PRMT3: variants seen among roughly 807,000 people sequenced by gnomAD.
PRMT3 encodes the protein protein arginine N-methyltransferase 3.
In PRMT3, 62 loss-of-function variants were observed where a neutral mutation model predicts 71.9. The observed-to-expected ratio is 0.86, with a 90% CI of 0.70 to 1.07. PRMT3 has a LOEUF of 1.07. Ranked by LOEUF, PRMT3 falls within the 50% of genes least tolerant of loss-of-function variation. PRMT3 has a pLI of 0.00. For synonymous variants in PRMT3, 213 were observed against 220.4 expected (o/e 0.97, Z 0.30); for missense variants, 663 against 643.0 (o/e 1.03, Z -0.34).
chr11:20,470,199 C>G (rs1247286112), intron 13 of PRMT3, among the ~76,000 whole-genome samples: 1 of 152,146 alleles, frequency 6.6e-6, no homozygotes, highest in East Asian at 1.9e-4. Context: ...ATTTATGTAT[C>G]TAAGCATAGA....
chr11:20,420,992 T>C (rs1461639373), intron 9 of PRMT3, among the ~76,000 whole-genome samples: 2 of 152,210 alleles, frequency 1.3e-5, no homozygotes, highest in African/African-American at 4.8e-5. Context: ...AGTAAAAGTA[T>C]CAAGATGCTG....
chr11:20,389,718 C>T, intron 2 of PRMT3, 26 bp from the exon 3 acceptor site: 1 of 1,524,904 alleles, frequency 6.6e-7, no homozygotes, highest in Non-Finnish European at 9.1e-7. Context: ...GGGACTATTC[C>T]ATGAAGCTAT....
intron 9 of PRMT3, among the ~76,000 whole-genome samples, chr11:20,419,160 T>C (rs1278174504): frequency 1.3e-5 from 2 of 152,238 alleles, no homozygotes; most frequent in Non-Finnish European, 2.9e-5. Flanking sequence ...ATGTAACAGT[T>C]GTGGTTGGTA....
At chr11:20,440,950 T>G (rs1023851984) in intron 10 of PRMT3, among the ~76,000 whole-genome samples, 3 of 151,880 alleles carry the variant, frequency 2.0e-5, no homozygotes, top group African/African-American at 7.2e-5. Flanking sequence ...AGATCATGCC[T>G]TTGGTATCAA....
chr11:20,420,983 G>A (rs1412569145), intron 9 of PRMT3, among the ~76,000 whole-genome samples: 2 of 152,136 alleles, frequency 1.3e-5, no homozygotes. Context: ...ACAAATTACA[G>A]TAAAAGTATC....
intron 2 of PRMT3, 35 bp from the exon 3 acceptor site, chr11:20,389,709 G>C (rs776973192): frequency 7.0e-7 from 1 of 1,437,850 alleles, no homozygotes; most frequent in African/African-American, 1.4e-5. Context: ...ACTTCTTAGG[G>C]GACTATTCCA....
At chr11:20,440,381 C>T (rs1007006642) in intron 10 of PRMT3, among the ~76,000 whole-genome samples, 1 of 151,154 alleles carries the variant, frequency 6.6e-6, no homozygotes, top group Non-Finnish European at 1.5e-5. Flanking sequence ...TGTGGTGGCT[C>T]ACGCCTGTAA....
intron 13 of PRMT3, among the ~76,000 whole-genome samples, chr11:20,469,144 A>G (rs541124142): frequency 1.1e-4 from 17 of 152,226 alleles, no homozygotes; most frequent in Non-Finnish European, 2.5e-4. Context: ...GATGAAGTTT[A>G]GCTGGCTCCT....
intron 12 of PRMT3, among the ~76,000 whole-genome samples, chr11:20,463,624 C>G (rs11512079): frequency 0.83 from 125,584 of 151,774 alleles, 53,632 homozygotes; most frequent in Non-Finnish European, 0.95. Flanking sequence ...TCTGTATTTT[C>G]CAGTCCTCCC....
intron 9 of PRMT3, among the ~76,000 whole-genome samples, chr11:20,422,013 AAG>A (rs1396783525): frequency 6.6e-6 from 1 of 152,072 alleles, no homozygotes; most frequent in African/African-American, 2.4e-5. Context: ...ATATGTGGGG[AAG>A]AGAGTATGGC....
At chr11:20,396,399 G>A (rs1345995990) in intron 6 of PRMT3, among the ~76,000 whole-genome samples, 1 of 152,142 alleles carries the variant, frequency 6.6e-6, no homozygotes, top group Non-Finnish European at 1.5e-5. Flanking sequence ...AGCACTTTGG[G>A]AGGCCGAGGC....
chr11:20,420,686 G>A (rs1041592743), intron 9 of PRMT3, among the ~76,000 whole-genome samples: 2 of 152,152 alleles, frequency 1.3e-5, no homozygotes, highest in African/African-American at 2.4e-5. Flanking sequence ...TGTCTTCCAC[G>A]AAACTGGCCC....
In PRMT3 at chr11:20,387,760, C is replaced by G; in HGVS notation, c.14C>G (p.Ala5Gly). The G allele has an allele frequency of 6.5e-7, 1 of 1,541,930 alleles. No homozygotes were observed. The change falls in exon 1 of 16, where the codon GCG (alanine) becomes GGG (glycine). Residue 5 changes from alanine to glycine, a missense_variant. Physicochemically the swap from Ala to Gly is moderately conservative, Grantham distance 60 (BLOSUM62 0). Transcript: ENST00000331079. This position sits in a 1 kb window ranked among gnomAD's most constrained non-coding sequence, Gnocchi z 4.3. ...GGCACCACAGCCATGTGCTCGTTAG[C>G]GTCAGGCGCTACCGGTGGGTACCCT... Reference protein sequence around the residue: MCSLASGATGGRGAV... With the variant: MCSLGSGATGGRGAV...
chr11:20,426,648 T>A (rs1309239134), intron 9 of PRMT3, 118 bp from the exon 10 acceptor site: 6 of 1,075,146 alleles, frequency 5.6e-6, no homozygotes, highest in Non-Finnish European at 7.3e-6. Context: ...CAACTAAGCT[T>A]TGATTGAAAT....
intron 9 of PRMT3, among the ~76,000 whole-genome samples, chr11:20,420,165 C>A (rs528939202): frequency 6.6e-6 from 1 of 152,096 alleles, no homozygotes; most frequent in East Asian, 1.9e-4. Flanking sequence ...GAGCAAGACT[C>A]TGTCTCAAAA....
chr11:20,457,382 A>G (rs1367785117), intron 11 of PRMT3, among the ~76,000 whole-genome samples: 2 of 152,188 alleles, frequency 1.3e-5, no homozygotes, highest in Non-Finnish European at 2.9e-5. Flanking sequence ...GGATTTCACA[A>G]TTAGACCTTA....
chr11:20,445,663 C>T (rs980843639), intron 10 of PRMT3, among the ~76,000 whole-genome samples: 1 of 152,074 alleles, frequency 6.6e-6, no homozygotes, highest in East Asian at 1.9e-4. Flanking sequence ...ATCCAAATAT[C>T]ATTTCTCAGT....
At chr11:20,490,554 G>A (rs771034771) in intron 13 of PRMT3, among the ~76,000 whole-genome samples, 4 of 150,008 alleles carry the variant, frequency 2.7e-5, no homozygotes, top group Non-Finnish European at 4.4e-5. Flanking sequence ...CCCAAAAAAT[G>A]TGGGGAAAAA....
chr11:20,411,840 G>A (rs1436008945), intron 9 of PRMT3, among the ~76,000 whole-genome samples: 1 of 152,104 alleles, frequency 6.6e-6, no homozygotes, highest in Non-Finnish European at 1.5e-5. Flanking sequence ...AGCTTAGTGA[G>A]GAAAAGTTTT....
Sources: allele counts gnomAD v4.1 joint callset (sites outside exome capture counted in the v4.1 genomes callset), GRCh38; gene constraint gnomAD v4.1.1; non-coding constraint Gnocchi (gnomAD v3.1); transcripts MANE v1.5; gene names NCBI Gene and HGNC (gene_info 2026-07-23, HGNC 2026-07-21).